DSCAM: variants seen among roughly 807,000 people sequenced by gnomAD.
DSCAM encodes cell adhesion molecule DSCAM.
Under a neutral mutation model 217.7 loss-of-function variants are expected in DSCAM, and 47 were observed. The observed-to-expected ratio is 0.22, with a 90% CI of 0.17 to 0.28. The LOEUF (loss-of-function observed/expected upper bound fraction) is 0.28, where lower values mean the gene tolerates loss of function less well. Among genes scored for constraint, DSCAM ranks in the 10% least tolerant of loss-of-function variants. The pLI, the probability that DSCAM is intolerant of heterozygous loss-of-function variation, is 1.00. For missense variants in DSCAM, 2,080 were observed against 2,618.3 expected (o/e 0.79, Z 4.49); for synonymous variants, 1,056 against 1,015.3 (o/e 1.04, Z -0.76).
At chr21:40,088,448 T>C (rs2089562316) in intron 21 of DSCAM, among the ~76,000 whole-genome samples, 1 of 152,180 alleles carries the variant, frequency 6.6e-6, no homozygotes. Context: ...CCCACATTAG[T>C]CACTAGGATC....
At chr21:40,595,013 C>T (rs954061591) in intron 3 of DSCAM, among the ~76,000 whole-genome samples, 2 of 152,178 alleles carry the variant, frequency 1.3e-5, no homozygotes, top group Non-Finnish European at 2.9e-5. Flanking sequence ...TCTGAAGTCC[C>T]CCTAGCCCAG....
chr21:40,134,751 G>A (rs1463087119), intron 18 of DSCAM, among the ~76,000 whole-genome samples: 1 of 152,188 alleles, frequency 6.6e-6, no homozygotes, highest in Non-Finnish European at 1.5e-5. Context: ...CAAGCTGCAT[G>A]TCTGAAATAT....
intron 12 of DSCAM, among the ~76,000 whole-genome samples, chr21:40,188,462 C>G (rs1311458215): frequency 6.6e-6 from 1 of 152,172 alleles, no homozygotes; most frequent in Non-Finnish European, 1.5e-5. Flanking sequence ...GGACCCTTGT[C>G]TGAGAGCCAA....
intron 3 of DSCAM, among the ~76,000 whole-genome samples, chr21:40,618,292 C>A (rs969768598): frequency 6.6e-6 from 1 of 152,192 alleles, no homozygotes. Flanking sequence ...GTAAAATCCA[C>A]TGATGAGCTC....
At chr21:40,522,671 CG>C (rs2076368451) in intron 3 of DSCAM, among the ~76,000 whole-genome samples, 1 of 152,102 alleles carries the variant, frequency 6.6e-6, no homozygotes, top group South Asian at 2.1e-4. Context: ...TAGGTGTGAT[CG>C]TCATGAGCAA....
chr21:40,839,508 A>AAT (rs909229312), intron 1 of DSCAM, among the ~76,000 whole-genome samples: 1 of 152,164 alleles, frequency 6.6e-6, no homozygotes, highest in Non-Finnish European at 1.5e-5. Flanking sequence ...GTTTCCAGAT[A>AAT]ATATATATAT....
intron 3 of DSCAM, among the ~76,000 whole-genome samples, chr21:40,646,014 C>T (rs1386663050): frequency 2.0e-5 from 3 of 151,886 alleles, no homozygotes; most frequent in African/African-American, 7.3e-5. Flanking sequence ...TTCTTGGAGG[C>T]GGTGGAGGAG....
At chr21:40,484,862 T>C (rs777916298) in intron 3 of DSCAM, among the ~76,000 whole-genome samples, 1 of 152,184 alleles carries the variant, frequency 6.6e-6, no homozygotes, top group Non-Finnish European at 1.5e-5. Context: ...TGCTGTCATC[T>C]ATAAGTTCTT....
intron 3 of DSCAM, among the ~76,000 whole-genome samples, chr21:40,519,884 A>G (rs2076345420): frequency 6.6e-6 from 1 of 151,910 alleles, no homozygotes; most frequent in Non-Finnish European, 1.5e-5. Flanking sequence ...GTGTGTCCAT[A>G]CACATATAAA....
intron 11 of DSCAM, chr21:40,212,428 T>C (rs1294991809): frequency 6.5e-6 from 1 of 154,156 alleles, no homozygotes; most frequent in Non-Finnish European, 1.5e-5. Flanking sequence ...CTAAACACCA[T>C]GGCAGCCCTG....
At chr21:40,137,159 A>C (rs1174110341) in intron 18 of DSCAM, among the ~76,000 whole-genome samples, 1 of 139,550 alleles carries the variant, frequency 7.2e-6, no homozygotes, top group African/African-American at 2.7e-5. Flanking sequence ...TGGGCGACAG[A>C]GCGAGACTCT....
At chr21:40,070,437 C>A (rs9978568) in intron 27 of DSCAM, among the ~76,000 whole-genome samples, 31,850 of 151,766 alleles carry the variant, frequency 0.21, 4,166 homozygotes, top group East Asian at 0.36. Flanking sequence ...GAAAGAAAGA[C>A]AAAGAGAAAG....
chr21:40,437,974 TG>T (rs1374343538), intron 3 of DSCAM, among the ~76,000 whole-genome samples: 3 of 152,378 alleles, frequency 2.0e-5, no homozygotes, highest in African/African-American at 7.2e-5. Context: ...GGTCTCAGTC[TG>T]ACCCTATGTC....
At chr21:40,014,116 C>T (rs1020309567) in intron 32 of DSCAM, among the ~76,000 whole-genome samples, 12 of 152,330 alleles carry the variant, frequency 7.9e-5, no homozygotes, top group East Asian at 5.8e-4. Flanking sequence ...TGGCTGGGCA[C>T]GGTGTGCCTC....
chr21:40,028,394 G>C (rs1028920577), intron 32 of DSCAM, among the ~76,000 whole-genome samples: 13 of 148,646 alleles, frequency 8.7e-5, no homozygotes, highest in African/African-American at 3.3e-4. Flanking sequence ...GAGCTTCCAG[G>C]CTGCTTTGTT....
chr21:40,689,399 C>A (rs965635750), intron 3 of DSCAM, among the ~76,000 whole-genome samples: 1 of 152,212 alleles, frequency 6.6e-6, no homozygotes, highest in African/African-American at 2.4e-5. Flanking sequence ...ATCCCCCAGG[C>A]TGACAGGTCA....
chr21:40,165,079 T>C (rs1601401018), intron 16 of DSCAM, among the ~76,000 whole-genome samples: 4 of 152,162 alleles, frequency 2.6e-5, no homozygotes, highest in Non-Finnish European at 5.9e-5. Context: ...TCCGTGACCA[T>C]GAATGAGCTT....
chr21:40,097,489 C>A (rs142286858), intron 20 of DSCAM, among the ~76,000 whole-genome samples: 129 of 152,192 alleles, frequency 8.5e-4, no homozygotes, highest in African/African-American at 3.0e-3. Flanking sequence ...ACAAGTAGCA[C>A]AACAGCAGCA....
intron 1 of DSCAM, among the ~76,000 whole-genome samples, chr21:40,836,909 C>T (rs1359279115): frequency 6.6e-6 from 1 of 152,202 alleles, no homozygotes; most frequent in Non-Finnish European, 1.5e-5. Context: ...AACTACAGCC[C>T]ATTCCCCACA....
Sources: allele counts gnomAD v4.1 joint callset (sites outside exome capture counted in the v4.1 genomes callset), GRCh38; gene constraint gnomAD v4.1.1; transcripts MANE v1.5; gene names NCBI Gene and HGNC (gene_info 2026-07-23, HGNC 2026-07-21).